The following SLC25A13 variants were observed in gnomAD, a reference collection of about 807,000 sequenced individuals.
SLC25A13 encodes the protein solute carrier family 25 member 13, also known as electrogenic aspartate/glutamate antiporter SLC25A13, mitochondrial.
In SLC25A13, 70 loss-of-function variants were observed where a neutral mutation model predicts 85.5. The ratio of observed to expected loss-of-function variants is 0.82; its 90% CI spans 0.68 to 1.00. The LOEUF is 1.00. Ranked by LOEUF, SLC25A13 falls within the 50% of genes least tolerant of loss-of-function variation. SLC25A13 has a pLI of 0.00. For missense variants in SLC25A13, 765 were observed against 819.8 expected (o/e 0.93, Z 0.82); for synonymous variants, 259 against 288.7 (o/e 0.90, Z 1.04).
intron 3 of SLC25A13, among the ~76,000 whole-genome samples, chr7:96,258,547 G>A (rs909667952): frequency 2.0e-5 from 3 of 152,132 alleles, no homozygotes; most frequent in Admixed American, 2.0e-4. Flanking sequence ...ACAAACCGCT[G>A]CTCAAGAAAA....
intron 12 of SLC25A13, 48 bp downstream of exon 12, chr7:96,171,424 A>T (rs371936313): frequency 2.6e-5 from 40 of 1,514,984 alleles, no homozygotes; most frequent in Non-Finnish European, 3.3e-5. Flanking sequence ...TAGATTCTTG[A>T]GTATGTACAA....
chr7:96,197,914 C>T (rs1329811690), intron 5 of SLC25A13, among the ~76,000 whole-genome samples: 2 of 151,986 alleles, frequency 1.3e-5, no homozygotes, highest in African/African-American at 4.8e-5. Context: ...TGGAGAGATG[C>T]TATAGGGGTC....
intron 3 of SLC25A13, among the ~76,000 whole-genome samples, chr7:96,265,091 C>T (rs1483767221): frequency 6.6e-6 from 1 of 152,084 alleles, no homozygotes; most frequent in African/African-American, 2.4e-5. Context: ...AACACCAAAT[C>T]CCAACAAGTA....
intron 4 of SLC25A13, among the ~76,000 whole-genome samples, chr7:96,228,765 C>T (rs538284127): frequency 2.2e-4 from 34 of 152,318 alleles, no homozygotes; most frequent in African/African-American, 7.9e-4. Flanking sequence ...AGCGTGAGTT[C>T]TGGGTGGGCG....
intron 3 of SLC25A13, among the ~76,000 whole-genome samples, chr7:96,236,055 T>A: frequency 6.6e-6 from 1 of 152,210 alleles, no homozygotes; most frequent in Non-Finnish European, 1.5e-5. Context: ...ACTTAGTTAC[T>A]TCTAAACATC....
chr7:96,171,950 A>T (rs1385793748), intron 11 of SLC25A13, among the ~76,000 whole-genome samples: 1 of 140,816 alleles, frequency 7.1e-6, no homozygotes, highest in African/African-American at 2.5e-5. Context: ...CTTCTTAAAG[A>T]AAAAAAAATT....
chr7:96,211,309 TCTC>T (rs1428287825), intron 4 of SLC25A13, among the ~76,000 whole-genome samples: 1 of 152,004 alleles, frequency 6.6e-6, no homozygotes, highest in Non-Finnish European at 1.5e-5. Flanking sequence ...TGTACTGAAA[TCTC>T]CTCTGCAGGA....
intron 3 of SLC25A13, among the ~76,000 whole-genome samples, chr7:96,261,484 T>G (rs1173746563): frequency 6.6e-6 from 1 of 152,208 alleles, no homozygotes; most frequent in Non-Finnish European, 1.5e-5. Flanking sequence ...TTCTGACAAT[T>G]AAGTTCTTTC....
At chr7:96,126,408 AG>A (rs1232241260) in intron 15 of SLC25A13, among the ~76,000 whole-genome samples, 1 of 152,128 alleles carries the variant, frequency 6.6e-6, no homozygotes, top group African/African-American at 2.4e-5. Flanking sequence ...TATCCTCTCT[AG>A]GGAAGTGGTC....
Position 96,191,200 on chromosome 7 carries a change from A to C in SLC25A13, c.663T>G (p.Asn221Lys), listed in dbSNP as rs1794834417. The C allele has an allele frequency of 6.2e-7, 1 of 1,613,950 alleles. No individual in the cohort carries two copies. The highest frequency in any genetic ancestry group is 1.7e-5 in the Admixed American group (1 of 60,008). Residue 221 changes from asparagine (N) to lysine (K), a missense_variant, in exon 7 of 18, where the codon AAT (asparagine) becomes AAG (lysine). By Grantham distance (94) the Asn-to-Lys change is moderately conservative (BLOSUM62 0). Coordinates refer to ENST00000265631, the MANE Select transcript of SLC25A13 (RefSeq NM_014251.3). ...TGTTGTTAAGGAGCGAATTAAATCC[A>C]TTAAAATAGGAGAAACTAACTTGAT... ...TSHQVSFSYF[N>K]GFNSLLNNME...
At chr7:96,139,984 A>G (rs2116458679) in intron 14 of SLC25A13, among the ~76,000 whole-genome samples, 2 of 103,718 alleles carry the variant, frequency 1.9e-5, no homozygotes, top group African/African-American at 3.9e-5. Flanking sequence ...TTTGAGACGG[A>G]GTCTCGCTCT....
chr7:96,176,753 A>T (rs918155235), intron 11 of SLC25A13, among the ~76,000 whole-genome samples: 1 of 152,216 alleles, frequency 6.6e-6, no homozygotes, highest in African/African-American at 2.4e-5. Flanking sequence ...TGTTAGAAAT[A>T]TAACTGGAAT....
At chr7:96,160,563 T>C (rs1793468376) in intron 13 of SLC25A13, among the ~76,000 whole-genome samples, 2 of 152,210 alleles carry the variant, frequency 1.3e-5, no homozygotes, top group Non-Finnish European at 2.9e-5. Flanking sequence ...CTTCTCACTG[T>C]GTCCTCACAT....
chr7:96,224,446 C>T (rs74769233), intron 4 of SLC25A13, among the ~76,000 whole-genome samples: 4,986 of 152,256 alleles, frequency 0.033, 204 homozygotes, highest in African/African-American at 0.095. Flanking sequence ...AGCTGCACCC[C>T]TCAATCAAGG....
chr7:96,294,410 C>T (rs551200865), intron 2 of SLC25A13, among the ~76,000 whole-genome samples: 147 of 151,922 alleles, frequency 9.7e-4, no homozygotes, highest in Non-Finnish European at 1.5e-3. Context: ...GCCCATGTAC[C>T]CTAGAACTTA....
chr7:96,247,204 A>G (rs1797225052), intron 3 of SLC25A13, among the ~76,000 whole-genome samples: 1 of 152,158 alleles, frequency 6.6e-6, no homozygotes, highest in South Asian at 2.1e-4. Context: ...ATAACCCTTC[A>G]CTGAATATCA....
At chr7:96,190,558 T>A (rs1021241394) in intron 7 of SLC25A13, among the ~76,000 whole-genome samples, 3 of 152,174 alleles carry the variant, frequency 2.0e-5, no homozygotes, top group Non-Finnish European at 4.4e-5. Context: ...TGAAAATATT[T>A]AAGAAACTTT....
intron 13 of SLC25A13, among the ~76,000 whole-genome samples, chr7:96,149,136 C>CCTGCACTACACCAT (rs1259971713): frequency 6.6e-6 from 1 of 152,154 alleles, no homozygotes; most frequent in African/African-American, 2.4e-5. Context: ...GCTGAGAATC[C>CCTGCACTACACCAT]CTGCACTACA....
intron 2 of SLC25A13, chr7:96,283,790 T>C: frequency 6.7e-6 from 1 of 148,440 alleles, no homozygotes; most frequent in Non-Finnish European, 1.4e-5. Context: ...TGGAAGCTAT[T>C]TCCTATGACT....
Sources: allele counts gnomAD v4.1 joint callset (sites outside exome capture counted in the v4.1 genomes callset), GRCh38; gene constraint gnomAD v4.1.1; transcripts MANE v1.5; gene names NCBI Gene and HGNC (gene_info 2026-07-23, HGNC 2026-07-21).